Variants in ITSN2 observed in about 807,000 individuals in gnomAD.
ITSN2 encodes the protein intersectin 2, also known as intersectin-2.
A neutral mutation model predicts 243.7 loss-of-function variants in ITSN2; 156 were observed. That is an observed-to-expected ratio of 0.64 (90% CI 0.56 to 0.73). The LOEUF (loss-of-function observed/expected upper bound fraction) is 0.73, where lower values mean the gene tolerates loss of function less well. ITSN2 is among the 30% of genes least tolerant of loss of function. The pLI is 0.00. For missense variants in ITSN2, 1,801 were observed against 1,996.1 expected (o/e 0.90, Z 1.86); for synonymous variants, 703 against 699.9 (o/e 1.00, Z -0.07).
At chr2:24,335,124 A>C (rs1686225415) in intron 1 of ITSN2, 1 of 221,550 alleles carries the variant, frequency 4.5e-6, no homozygotes, top group Admixed American at 4.1e-5. Flanking sequence ...GGAAGAGATA[A>C]GAGAAAGGGC....
intron 1 of ITSN2, among the ~76,000 whole-genome samples, chr2:24,333,760 A>G (rs1686037554): frequency 6.6e-6 from 1 of 152,130 alleles, no homozygotes; most frequent in Admixed American, 6.5e-5. Flanking sequence ...AAATATACTC[A>G]CACTAAGACA....
chr2:24,328,768 T>C (rs1420782033), intron 1 of ITSN2, among the ~76,000 whole-genome samples: 1 of 152,208 alleles, frequency 6.6e-6, no homozygotes, highest in Non-Finnish European at 1.5e-5. Context: ...CAGCCCATAG[T>C]ATCATTTTTT....
intron 17 of ITSN2, 50 bp downstream of exon 17, chr2:24,284,713 T>G (rs1183643390): frequency 8.9e-7 from 1 of 1,121,548 alleles, no homozygotes; most frequent in Non-Finnish European, 1.3e-6. Context: ...TTTAAAAAAA[T>G]AAAACAGCAA....
At chr2:24,262,992 G>A (rs1320114476) in intron 20 of ITSN2, among the ~76,000 whole-genome samples, 1 of 151,886 alleles carries the variant, frequency 6.6e-6, no homozygotes, top group Non-Finnish European at 1.5e-5. Context: ...CCCTACTTCA[G>A]GCTTTTTTTC....
At chr2:24,271,672 A>G in intron 19 of ITSN2, 94 bp downstream of exon 19, 1 of 1,401,064 alleles carries the variant, frequency 7.1e-7, no homozygotes, top group Non-Finnish European at 9.3e-7. Flanking sequence ...TACAATTAGT[A>G]TCTTTCTAAT....
rs1673764669 is a variant in ITSN2, at chr2:24,248,978, G to A, written c.3121-96C>T. On this transcript the variant is annotated intron_variant, in intron 25 of 39. Transcript: ENST00000355123. ...GGAATTAGAGATTTCAAATTCCCAG[G>A]ATTCTTTTCTCTTTAAATGAAGATG... 1.2e-5 allele frequency: 14 copies of A among 1,198,590 alleles called. No homozygotes were observed. The South Asian group carries it at 1.8e-4, about 16-fold the overall frequency. 74.2% of individuals were successfully genotyped at this position (1,198,590 alleles called of 1,614,324 possible).
intron 29 of ITSN2, among the ~76,000 whole-genome samples, chr2:24,232,067 T>A (rs1671678776): frequency 6.6e-6 from 1 of 152,208 alleles, no homozygotes; most frequent in South Asian, 2.1e-4. Flanking sequence ...ATTTATTGAG[T>A]ACCGGGTAGC....
In ITSN2 at chr2:24,320,903, T is replaced by C. The variant is rs138833564; in HGVS notation, c.32-5679A>G. On this transcript the variant is annotated intron_variant, in intron 2 of 39. Coordinates refer to ENST00000355123, the MANE Select transcript of ITSN2 (RefSeq NM_006277.3). ...TGCTGCTTGGAGTCCTGTTGATTAGTCTTAATCAAATGCTGCATAAAATAA... is the reference window on the plus strand; with the variant it reads ...TGCTGCTTGGAGTCCTGTTGATTAGCCTTAATCAAATGCTGCATAAAATAA... Among the ~76,000 whole-genome samples the C allele has an allele frequency of 7.4e-4, 112 of 152,272 alleles. 2 individuals are homozygous for C. In the East Asian group the frequency reaches 0.02, roughly 27 times the overall value.
intron 2 of ITSN2, among the ~76,000 whole-genome samples, chr2:24,317,858 T>C (rs1364299840): frequency 6.6e-6 from 1 of 152,204 alleles, no homozygotes; most frequent in Admixed American, 6.5e-5. Context: ...CATTGTTCCC[T>C]TTGACTCCTG....
At chr2:24,332,183 A>C (rs1331032343) in intron 1 of ITSN2, among the ~76,000 whole-genome samples, 1 of 152,216 alleles carries the variant, frequency 6.6e-6, no homozygotes, top group Non-Finnish European at 1.5e-5. Flanking sequence ...TGGAGGTTGC[A>C]GTGAGCCAAG....
chr2:24,235,746 C>A (rs1166022205), intron 29 of ITSN2, among the ~76,000 whole-genome samples: 3 of 152,144 alleles, frequency 2.0e-5, no homozygotes, highest in Non-Finnish European at 2.9e-5. Context: ...AAATGGCCAA[C>A]AAGCACATGA....
intron 1 of ITSN2, chr2:24,334,498 G>A (rs570907500): frequency 4.4e-5 from 31 of 705,390 alleles, no homozygotes; most frequent in Non-Finnish European, 7.5e-5. Context: ...CGTGCCAATA[G>A]CGCTCATGCA....
At chr2:24,343,102 A>AG (rs1453200613) in intron 1 of ITSN2, among the ~76,000 whole-genome samples, 1 of 152,036 alleles carries the variant, frequency 6.6e-6, no homozygotes, top group East Asian at 1.9e-4. Context: ...AAAAAAAAAA[A>AG]AAAAGTGAAA....
chr2:24,312,522 T>C lies in ITSN2; in HGVS notation c.189-147A>G, dbSNP rs1347784300. The C allele has an allele frequency of 2.5e-5, 12 of 479,566 alleles. No homozygotes were observed. The East Asian group carries it at 3.3e-4, about 13-fold the overall frequency. 29.7% of individuals were successfully genotyped at this position (479,566 alleles called of 1,614,324 possible). On this transcript the variant is annotated intron_variant, in intron 4 of 39. Coordinates refer to ENST00000355123, the MANE Select transcript of ITSN2 (RefSeq NM_006277.3). ...TTTAAAATATCTAACATGTAAAATATATAATAACAAAAAGATAAAACCTAC... is the reference window on the plus strand; with the variant it reads ...TTTAAAATATCTAACATGTAAAATACATAATAACAAAAAGATAAAACCTAC...
At chr2:24,345,474 TA>T (rs1314250674) in intron 1 of ITSN2, among the ~76,000 whole-genome samples, 1 of 152,214 alleles carries the variant, frequency 6.6e-6, no homozygotes, top group Non-Finnish European at 1.5e-5. Flanking sequence ...TTACATTGTC[TA>T]AACCTTCTTC....
At chr2:24,322,528 T>C (rs968109654) in intron 2 of ITSN2, among the ~76,000 whole-genome samples, 2 of 152,140 alleles carry the variant, frequency 1.3e-5, no homozygotes, top group African/African-American at 4.8e-5. Flanking sequence ...AAGAACTGGA[T>C]ATCCATATGA....
At chr2:24,248,548 A>G in intron 27 of ITSN2, 81 bp downstream of exon 27, 1 of 1,228,300 alleles carries the variant, frequency 8.1e-7, no homozygotes, top group Admixed American at 2.4e-5. Context: ...TGATCTAAAA[A>G]TTTTTATTAA....
At chr2:24,297,959 G>T (rs565223352) in intron 13 of ITSN2, among the ~76,000 whole-genome samples, 1 of 151,856 alleles carries the variant, frequency 6.6e-6, no homozygotes, top group African/African-American at 2.4e-5. Flanking sequence ...ACTAATTCAC[G>T]AGAGATTTTA....
At chr2:24,307,742 G>C (rs186661081) in intron 8 of ITSN2, among the ~76,000 whole-genome samples, 1 of 152,268 alleles carries the variant, frequency 6.6e-6, no homozygotes, top group African/African-American at 2.4e-5. Context: ...CATAACTACA[G>C]ACCCTGGACT....
Sources: gnomAD v4.1 joint callset for allele counts (sites outside exome capture counted in the v4.1 genomes callset) on GRCh38, gnomAD v4.1.1 for gene constraint, MANE v1.5 for transcripts, NCBI Gene and HGNC (gene_info 2026-07-23, HGNC 2026-07-21) for gene names.